Variants in EPS8L3 observed in about 807,000 individuals in gnomAD.
EPS8L3 encodes the protein EPS8 signaling adaptor L3.
EPS8L3 carries 80 observed loss-of-function variants against 88.5 expected under a neutral mutation model. That is an observed-to-expected ratio of 0.90 (90% confidence interval 0.75 to 1.09). The LOEUF (loss-of-function observed/expected upper bound fraction) is 1.09. EPS8L3 is among the 50% of genes least tolerant of loss of function. The probability of loss-of-function intolerance (pLI) is 0.00; values close to 1 mark genes in which losing one functional copy is unlikely to be tolerated. For synonymous variants in EPS8L3, 286 were observed against 291.0 expected, an observed-to-expected ratio of 0.98 and a Z score of 0.18; for missense variants, 721 against 735.2, an observed-to-expected ratio of 0.98 and a Z score of 0.22.
rs1649863003 is a variant in EPS8L3 at position 109,752,182 on chromosome 1, T to C, written c.1247A>G (p.His416Arg). 1.2e-6 allele frequency: 2 copies of C among 1,612,276 alleles called. No homozygotes were observed. The change falls in exon 15 of 19, where the codon CAT (histidine) becomes CGT (arginine). Residue 416 changes from histidine (H) to arginine (R), a missense_variant. Physicochemically the swap from His to Arg is conservative, Grantham distance 29 (BLOSUM62 0). Transcript: ENST00000361965. Reference sequence around the variant, plus strand: ...AAAGTGTGAGGTGCTCCCTAACCTATGACTTCCCCGCCTAAGAAACAGAGT... The same window carrying C: ...AAAGTGTGAGGTGCTCCCTAACCTACGACTTCCCCGCCTAAGAAACAGAGT... Reference protein sequence around the residue: ...QDPVSLRRGSHRLGSTSHFPQ... With the variant: ...QDPVSLRRGSRRLGSTSHFPQ...
Position 109,751,702 on chromosome 1 carries a change from C to G in EPS8L3, c.1515G>C (p.Glu505Asp), listed in dbSNP as rs773079668. The change falls in exon 16 of 19, where the codon GAG becomes GAC. Residue 505 changes from glutamate (E) to aspartate (D), a missense_variant. Physicochemically the swap from Glu to Asp is conservative, Grantham distance 45 (BLOSUM62 2). Coordinates refer to ENST00000361965, the MANE Select transcript of EPS8L3 (RefSeq NM_133181.4). ...TCCCAGGGGTCCCCGGCTGTAGGGGCTCCAGGATGTTGCTTGGAATGTAGC... is the reference window on the plus strand; with the variant it reads ...TCCCAGGGGTCCCCGGCTGTAGGGGGTCCAGGATGTTGCTTGGAATGTAGC... ...RSGYIPSNILEPLQPGTPGTQ... is the reference protein window; with the variant it reads ...RSGYIPSNILDPLQPGTPGTQ... 4 of 1,613,836 alleles carry G rather than the reference C, an allele frequency of 2.5e-6. No homozygotes were observed. The highest frequency in any genetic ancestry group is 3.4e-6 in the Non-Finnish European group (4 of 1,179,992).
intron 12 of EPS8L3, among the ~76,000 whole-genome samples, chr1:109,754,995 T>A (rs1650150924): frequency 6.6e-6 from 1 of 152,264 alleles, no homozygotes; most frequent in Admixed American, 6.5e-5. Flanking sequence ...ACAACCCATC[T>A]GTCCATCAAC....
At chr1:109,762,200 C>T (rs1013158814) in intron 1 of EPS8L3, among the ~76,000 whole-genome samples, 2 of 152,136 alleles carry the variant, frequency 1.3e-5, no homozygotes, top group South Asian at 2.1e-4. Context: ...CCCTCTTGTT[C>T]GACCCTGTTT....
At chr1:109,761,467 A>C (rs1225630788) in intron 3 of EPS8L3, 28 bp downstream of exon 3, 2 of 1,592,564 alleles carry the variant, frequency 1.3e-6, no homozygotes, top group East Asian at 4.5e-5. Context: ...TTAGTTGGAC[A>C]CTGCCCGGGG....
rs1650560987 is a variant in EPS8L3 at position 109,758,649 on chromosome 1, C to T, written c.476G>A (p.Gly159Asp). ...CCATCTGTCCTGGCCTGGCTGAAGGCCTCCAAGTCGAGGTCTGCTGAGGAC... is the reference window on the plus strand; with the variant it reads ...CCATCTGTCCTGGCCTGGCTGAAGGTCTCCAAGTCGAGGTCTGCTGAGGAC... ...EELEQRPRLGGLQPGQDRWRG... is the reference protein window; with the variant it reads ...EELEQRPRLGDLQPGQDRWRG... Residue 159 changes from glycine to aspartate, a missense_variant, in exon 7 of 19, where the codon GGC becomes GAC. Physicochemically the swap from Gly to Asp is moderately conservative, Grantham distance 94. Transcript: ENST00000361965. 1 of 1,588,422 alleles carries T rather than the reference C, an allele frequency of 6.3e-7. No individual in the cohort carries two copies. The highest frequency in any genetic ancestry group is 1.1e-5 in the South Asian group (1 of 87,548).
intron 1 of EPS8L3, among the ~76,000 whole-genome samples, chr1:109,762,957 T>C (rs1332880226): frequency 6.6e-6 from 1 of 152,060 alleles, no homozygotes; most frequent in African/African-American, 2.4e-5. Context: ...GTGGGGGTGG[T>C]GTTAGTCTGT....
In EPS8L3 at chr1:109,750,723, C is replaced by G; in HGVS notation, c.1707G>C (p.Met569Ile). The stretch of plus-strand genomic sequence containing the variant: ...TTCGTGGGGCCTCCTGTGGACATAG[C>G]ATCTGTAGCTCCCCAGGTCTTATGC... Reference protein sequence around the residue: ...LLRIRPGELQMLCPQEAPRIL... With the variant: ...LLRIRPGELQILCPQEAPRIL... Residue 569 changes from methionine (M) to isoleucine (I), a missense_variant, in exon 18 of 19, where the codon ATG becomes ATC. Physicochemically the swap from Met to Ile is conservative, Grantham distance 10 (BLOSUM62 1). Transcript: ENST00000361965. 1 of 1,614,226 alleles carries G rather than the reference C, an allele frequency of 6.2e-7. No individual in the cohort carries two copies. Among genetic ancestry groups the G allele is most frequent in the Non-Finnish European group, 8.5e-7 (1 of 1,180,042 alleles).
chr1:109,759,723 C>T lies in EPS8L3; in HGVS notation c.210G>A (p.Leu70=), dbSNP rs887157737. The change falls in exon 4 of 19, where the codon CTG becomes CTA. Residue 70 remains leucine, a synonymous_variant. Transcript: ENST00000361965. This position sits in a 1 kb window ranked among gnomAD's most constrained non-coding sequence, Gnocchi z 4.2. ...GCTGCAGCCAGCCGTCCCTGACCTG[C>T]AGGATCAAGTCTTGGCTCCACACCC... ...QGRVWSQDLI[L]QVRDGWLQLL... The T allele has an allele frequency of 1.2e-6, 2 of 1,614,108 alleles. No individual in the cohort carries two copies. Among genetic ancestry groups the T allele is most frequent in the African/African-American group, 2.7e-5 (2 of 75,044 alleles).
Position 109,751,368 on chromosome 1 carries a change from C to T in EPS8L3, c.1564-17G>A, listed in dbSNP as rs1375159522. 6.2e-7 allele frequency: 1 copy of T among 1,612,034 alleles called. No individual in the cohort carries two copies. The highest frequency in any genetic ancestry group is 1.7e-5 in the Admixed American group (1 of 59,956). ...CATTGGAACCTAGAATCAGGGGGAA[C>T]CAGGGATCAGAGTCCATCTCATCTC... On this transcript the variant is annotated splice_polypyrimidine_tract_variant and intron_variant, in intron 16 of 18. Coordinates refer to ENST00000361965, the MANE Select transcript of EPS8L3 (RefSeq NM_133181.4).
Position 109,759,144 on chromosome 1 carries a change from AGTGTGTGT to A in EPS8L3, c.406-35_406-28del, listed in dbSNP as rs3220009. On this transcript the variant is annotated intron_variant, in intron 5 of 18. Transcript: ENST00000361965. This position sits in a 1 kb window ranked among gnomAD's most constrained non-coding sequence, Gnocchi z 4.2. ...TGGGAAGCAGCAGTCAGGCAGGCTA[AGTGTGTGT>A]GTGTGTGTGTGTGTGTGTGTGTGTG... The A allele has an allele frequency of 0.18, 272,352 of 1,482,648 alleles. 7,708 individuals are homozygous for A. The highest frequency in any genetic ancestry group is 0.36 in the African/African-American group (25,579 of 71,086). The allele number at this position is 1,482,648 out of a possible 1,614,324, so 91.8% of individuals were successfully genotyped here.
rs140395971 is a variant in EPS8L3, at chr1:109,757,778, G to A, written c.894+24C>T. 1,596 of 1,609,472 alleles carry A rather than the reference G, an allele frequency of 9.9e-4. 9 individuals carry two copies. Among genetic ancestry groups the A allele is most frequent in the South Asian group, 7.9e-3 (715 of 90,990 alleles). ...GAGGAAGGGGAAGAGGAGAGGCCTG[G>A]TGAACTTGTGGGGAGCCACCTACCA... On this transcript the variant is annotated intron_variant, in intron 10 of 18. Transcript: ENST00000361965.
At chr1:109,762,491 C>T (rs1651085105) in intron 1 of EPS8L3, among the ~76,000 whole-genome samples, 1 of 152,138 alleles carries the variant, frequency 6.6e-6, no homozygotes, top group South Asian at 2.1e-4. Flanking sequence ...CCCAGGGTAC[C>T]CTCCTAATGC....
At position 109,759,465 on chromosome 1, in the gene EPS8L3, T is replaced by C; in HGVS notation, c.256-78A>G. The C allele has an allele frequency of 6.3e-7, 1 of 1,576,402 alleles. No individual in the cohort carries two copies. The highest frequency in any genetic ancestry group is 1.2e-5 in the South Asian group (1 of 83,098). ...CTGGGAGCTCCTGACCAGCTCATCC[T>C]AGCCCTTTGGTGGCCTAGGGCTGAG... On this transcript the variant is annotated intron_variant, in intron 4 of 18. Transcript: ENST00000361965. This position sits in a 1 kb window ranked among gnomAD's most constrained non-coding sequence, Gnocchi z 4.2.
chr1:109,761,289 C>T lies in EPS8L3; in HGVS notation c.96+206G>A, dbSNP rs191288091. 262 of 578,882 alleles carry T rather than the reference C, an allele frequency of 4.5e-4. 4 individuals are homozygous for T. The highest frequency in any genetic ancestry group is 4.3e-3 in the African/African-American group (231 of 53,694). The allele number at this position is 578,882 out of a possible 1,614,324, so 35.9% of individuals were successfully genotyped here. On this transcript the variant is annotated intron_variant, in intron 3 of 18. Transcript: ENST00000361965. ...AACCTCCAGCCAGGCCTGCTCTGTTCAATCTGACCACCCCTCCCCGTCCCT... is the reference window on the plus strand; with the variant it reads ...AACCTCCAGCCAGGCCTGCTCTGTTTAATCTGACCACCCCTCCCCGTCCCT...
Position 109,751,775 on chromosome 1 carries a change from T to C in EPS8L3, c.1442A>G (p.Asp481Gly), listed in dbSNP as rs1649817043. 2 of 1,613,316 alleles carry C rather than the reference T, an allele frequency of 1.2e-6. No homozygotes were observed. Among genetic ancestry groups the C allele is most frequent in the African/African-American group, 2.7e-5 (2 of 74,864 alleles). Residue 481 changes from aspartate to glycine, a missense_variant, in exon 16 of 19, where the codon GAC becomes GGC. Physicochemically the swap from Asp to Gly is moderately conservative, Grantham distance 94 (BLOSUM62 -1). Transcript: ENST00000361965. ...CACCAGCCACCACCGCTTGCTGTGG[T>C]CCAGAACCTGCCAAGAGTCACCACC... Reference protein sequence around the residue: ...VVQGEKLEVLDHSKRWWLVKN... With the variant: ...VVQGEKLEVLGHSKRWWLVKN...
chr1:109,754,188 A>G (rs1159934546), intron 12 of EPS8L3, among the ~76,000 whole-genome samples: 1 of 152,112 alleles, frequency 6.6e-6, no homozygotes, highest in Non-Finnish European at 1.5e-5. Context: ...TCCTCTGCCT[A>G]TATATTCTTG....
chr1:109,761,445 G>A, intron 3 of EPS8L3, 50 bp downstream of exon 3: 1 of 1,536,982 alleles, frequency 6.5e-7, no homozygotes, highest in Non-Finnish European at 8.9e-7. Context: ...GGGCACATGG[G>A]AACACTTGGG....
chr1:109,762,051 G>A (rs1651033413), intron 1 of EPS8L3, among the ~76,000 whole-genome samples: 1 of 152,184 alleles, frequency 6.6e-6, no homozygotes, highest in African/African-American at 2.4e-5. Flanking sequence ...GGCCTCCCAT[G>A]GTTTGGCTGA....
chr1:109,753,165 G>A lies in EPS8L3; in HGVS notation c.1152C>T (p.Tyr384=). ...ADWTGDEPLP[Y]QPTFSDDWQL... ...GCCAGTCATCTGAGAATGTGGGTTG[G>A]TAGGGCAGGGGCTCATCGCCTGTCC... Residue 384 remains tyrosine (Y), a synonymous_variant, in exon 13 of 19, where the codon TAC becomes TAT. Transcript: ENST00000361965. 3.1e-6 allele frequency: 5 copies of A among 1,613,290 alleles called. No homozygotes were observed. Among genetic ancestry groups the A allele is most frequent in the Non-Finnish European group, 4.2e-6 (5 of 1,179,670 alleles).
Sources: gnomAD v4.1 joint callset for allele counts (sites outside exome capture counted in the v4.1 genomes callset) on GRCh38, gnomAD v4.1.1 for gene constraint, Gnocchi (gnomAD v3.1) non-coding constraint, MANE v1.5 for transcripts, NCBI Gene and HGNC (gene_info 2026-07-23, HGNC 2026-07-21) for gene names.